FARP2: variants seen among roughly 807,000 people sequenced by gnomAD.
FARP2 encodes FERM, ARHGEF and pleckstrin domain-containing protein 2.
Under a neutral mutation model 130.5 loss-of-function variants are expected in FARP2, and 111 were observed. The observed-to-expected ratio is 0.85, with a 90% CI of 0.73 to 1.00. The LOEUF is 1.00. Ranked by LOEUF, FARP2 falls within the 50% of genes least tolerant of loss-of-function variation. The pLI is 0.00. For synonymous variants in FARP2, 504 were observed against 516.9 expected, an observed-to-expected ratio of 0.98 and a Z score of 0.34; for missense variants, 1,385 against 1,346.3, an observed-to-expected ratio of 1.03 and a Z score of -0.45.
At chr2:241,464,164 G>A (rs1353358569) in intron 17 of FARP2, among the ~76,000 whole-genome samples, 184 bp downstream of exon 17, 1 of 151,832 alleles carries the variant, frequency 6.6e-6, no homozygotes, top group African/African-American at 2.4e-5. Context: ...CCAGACCAGG[G>A]TCCCCCTCAG....
intron 2 of FARP2, chr2:241,395,510 C>T (rs570603132): frequency 1.3e-5 from 2 of 152,264 alleles, no homozygotes; most frequent in South Asian, 4.1e-4. Context: ...GCATTTATGC[C>T]ATTGCAGAGA....
At chr2:241,467,571 G>A (rs1390785401) in intron 17 of FARP2, among the ~76,000 whole-genome samples, 3 of 151,880 alleles carry the variant, frequency 2.0e-5, no homozygotes, top group Non-Finnish European at 4.4e-5. Context: ...GAACCCGGGA[G>A]GCAGAGGTTG....
intron 8 of FARP2, among the ~76,000 whole-genome samples, chr2:241,427,868 C>T (rs1303102213): frequency 6.6e-6 from 1 of 151,912 alleles, no homozygotes; most frequent in East Asian, 1.9e-4. Flanking sequence ...CAGCTTCAAG[C>T]GATTCTCCTG....
chr2:241,482,163 C>T lies in FARP2; in HGVS notation c.2263-1302C>T, dbSNP rs761444404. Among the ~76,000 whole-genome samples the T allele has an allele frequency of 1.1e-4, 16 of 152,250 alleles. No homozygotes were observed. The highest frequency in any genetic ancestry group is 2.4e-4 in the Non-Finnish European group (16 of 68,006). On this transcript the variant is annotated intron_variant, in intron 19 of 26. Coordinates refer to ENST00000264042, the MANE Select transcript of FARP2 (RefSeq NM_014808.4). The surrounding 1 kb of genome is among the most constrained non-coding windows in gnomAD (Gnocchi z 4.6). ...AAGGGTAAAAAGAACTGTGAAGTGT[C>T]AGGGAGGTGGCAGAACTGTGAGCCA...
Position 241,493,901 on chromosome 2 carries a change from G to A in FARP2, c.3048-107G>A, listed in dbSNP as rs755517051. On this transcript the variant is annotated intron_variant, in intron 26 of 26. Coordinates refer to ENST00000264042, the MANE Select transcript of FARP2 (RefSeq NM_014808.4). ...CATGAGCCACCGCACCCGGCCCCAG[G>A]TTTTTAACCCTTCTTTTGTCCTGCT... 231 of 710,226 alleles carry A rather than the reference G, an allele frequency of 3.3e-4. 1 individual carries two copies. Among genetic ancestry groups the A allele is most frequent in the Non-Finnish European group, 4.3e-4 (198 of 456,024 alleles). The allele number at this position is 710,226 out of a possible 1,614,324, so 44.0% of individuals were successfully genotyped here.
intron 17 of FARP2, chr2:241,465,415 A>G (rs1273220101): frequency 1.4e-6 from 2 of 1,477,214 alleles, no homozygotes; most frequent in Non-Finnish European, 1.9e-6. Flanking sequence ...GGGCCCTGGG[A>G]CTTGTTTCCA....
Position 241,418,003 on chromosome 2 carries a change from T to G in FARP2, c.665T>G (p.Ile222Ser). The G allele has an allele frequency of 6.2e-7, 1 of 1,614,128 alleles. No homozygotes were observed. The highest frequency in any genetic ancestry group is 8.5e-7 in the Non-Finnish European group (1 of 1,180,038). Reference protein sequence around the residue: ...PAESDFQVLEIARKLEMYGIR... With the variant: ...PAESDFQVLESARKLEMYGIR... ...GAGTCGGATTTCCAGGTGCTCGAAA[T>G]TGCTCGAAAGTTGGAAATGTACGGC... Residue 222 changes from isoleucine (I) to serine (S), a missense_variant, in exon 8 of 27, where the codon ATT becomes AGT. Coordinates refer to ENST00000264042, the MANE Select transcript of FARP2 (RefSeq NM_014808.4).
chr2:241,411,948 C>T (rs980539828), intron 6 of FARP2, among the ~76,000 whole-genome samples: 4 of 152,172 alleles, frequency 2.6e-5, no homozygotes, highest in Non-Finnish European at 5.9e-5. Flanking sequence ...GGTTCTTACT[C>T]ATTTGGCTGA....
chr2:241,456,830 G>C lies in FARP2; in HGVS notation c.1495G>C (p.Gly499Arg), dbSNP rs767674726. 8 of 1,614,060 alleles carry C rather than the reference G, an allele frequency of 5.0e-6. No homozygotes were observed. The highest frequency in any genetic ancestry group is 6.8e-6 in the Non-Finnish European group (8 of 1,179,990). Residue 499 changes from glycine to arginine, a missense_variant, in exon 14 of 27, where the codon GGC becomes CGC. By Grantham distance (125) the Gly-to-Arg change is moderately radical (BLOSUM62 -2). Transcript: ENST00000264042. ...SLSPAFQVPL[G>R]PAEQGSSPLL... ...GAGCCCTGCATTTCAGGTGCCTTTG[G>C]GCCCAGCTGAACAGGGCTCATCCCC...
At position 241,463,394 on chromosome 2, in the gene FARP2, C is replaced by G. The variant is rs1361417917; in HGVS notation, c.1737C>G (p.Leu579=). The G allele has an allele frequency of 1.2e-6, 2 of 1,614,154 alleles. No homozygotes were observed. Among genetic ancestry groups the G allele is most frequent in the South Asian group, 1.1e-5 (1 of 91,074 alleles). The change falls in exon 16 of 27, where the codon CTC becomes CTG. Residue 579 remains leucine, a synonymous_variant. Coordinates refer to ENST00000264042, the MANE Select transcript of FARP2 (RefSeq NM_014808.4). The part of the protein sequence containing the change: ...DAMPATLMTL[L]FSNIDPIYEF... ...TGCCTGCGACTCTGATGACGCTGCT[C>G]TTCTCCAACATCGATCCCATCTATG...
In FARP2 at chr2:241,452,848, C is replaced by T. The variant is rs537874765; in HGVS notation, c.1412-3899C>T. On this transcript the variant is annotated intron_variant, in intron 13 of 26. Transcript: ENST00000264042. ...CCCAGCTACTCGGGAGGCTGAGGCA[C>T]GAGAATCGCTTGAACCCAGGAGGCA... Among the ~76,000 whole-genome samples, 11 of 149,736 alleles carry T rather than the reference C, an allele frequency of 7.3e-5. No homozygotes were observed. In the South Asian group the frequency reaches 8.5e-4, roughly 12 times the overall value.
chr2:241,415,988 TCTG>T (rs1559748937), intron 7 of FARP2, among the ~76,000 whole-genome samples: 1 of 86,730 alleles, frequency 1.2e-5, no homozygotes, highest in Non-Finnish European at 2.5e-5. Context: ...TCAGGGTAGT[TCTG>T]TGTGTGTGTG....
chr2:241,383,702 G>T (rs571788356), intron 2 of FARP2, among the ~76,000 whole-genome samples: 1 of 152,172 alleles, frequency 6.6e-6, no homozygotes, highest in African/African-American at 2.4e-5. Context: ...ATCCTGGAGA[G>T]ATTTTGAAGG....
At chr2:241,458,877 AT>A (rs2063937829) in intron 14 of FARP2, among the ~76,000 whole-genome samples, 1 of 152,242 alleles carries the variant, frequency 6.6e-6, no homozygotes, top group Non-Finnish European at 1.5e-5. Context: ...GGCCAGCAGC[AT>A]GGCAAGGCCC....
chr2:241,424,902 G>A (rs2062893815), intron 8 of FARP2, among the ~76,000 whole-genome samples: 1 of 152,066 alleles, frequency 6.6e-6, no homozygotes. Flanking sequence ...GAACCAGAAA[G>A]AAACTTATAA....
rs2065019819 is a variant in FARP2 at position 241,493,712 on chromosome 2, A to G, written c.3047+268A>G. The G allele has an allele frequency of 9.5e-6, 5 of 525,034 alleles. No homozygotes were observed. In the East Asian group the frequency reaches 1.3e-4, roughly 13 times the overall value. The allele number at this position is 525,034 out of a possible 1,614,324, so 32.5% of individuals were successfully genotyped here. A position where few individuals can be genotyped will look rare whatever the true frequency, so the allele number is the denominator to read the frequency against. On this transcript the variant is annotated intron_variant, in intron 26 of 26. Coordinates refer to ENST00000264042, the MANE Select transcript of FARP2 (RefSeq NM_014808.4). ...AGGGTTCAAGCGATTCTTCTGCCTC[A>G]GCCTCCTGAGTAACTGAGATTACAG...
intron 5 of FARP2, 58 bp downstream of exon 5, chr2:241,407,673 T>C (rs894419192): frequency 7.8e-6 from 10 of 1,277,254 alleles, no homozygotes; most frequent in Non-Finnish European, 1.1e-5. Context: ...TCACCTGTTA[T>C]CTCCCACAGC....
At chr2:241,379,982 T>C (rs2061623116) in intron 2 of FARP2, among the ~76,000 whole-genome samples, 1 of 152,172 alleles carries the variant, frequency 6.6e-6, no homozygotes, top group Non-Finnish European at 1.5e-5. Context: ...AGTGGTGATG[T>C]TGGCACTCCC....
chr2:241,380,596 G>A (rs2061638363), intron 2 of FARP2, among the ~76,000 whole-genome samples: 1 of 151,846 alleles, frequency 6.6e-6, no homozygotes, highest in African/African-American at 2.4e-5. Context: ...AACCTGAATT[G>A]TTCCATGAGC....
Sources: allele counts gnomAD v4.1 joint callset (sites outside exome capture counted in the v4.1 genomes callset), GRCh38; gene constraint gnomAD v4.1.1; non-coding constraint Gnocchi (gnomAD v3.1); transcripts MANE v1.5; gene names NCBI Gene and HGNC (gene_info 2026-07-23, HGNC 2026-07-21).